ZFHX3: variants seen among roughly 807,000 people sequenced by gnomAD.
ZFHX3 encodes zinc finger homeobox 3.
In ZFHX3, 42 loss-of-function variants were observed where a neutral mutation model predicts 279.1. The ratio of observed to expected loss-of-function variants is 0.15; its 90% confidence interval spans 0.12 to 0.19. The LOEUF (loss-of-function observed/expected upper bound fraction) is 0.19, where lower values mean the gene tolerates loss of function less well. Ranked by LOEUF, ZFHX3 falls within the 10% of genes least tolerant of loss-of-function variation. The probability of loss-of-function intolerance (pLI) is 1.00; values close to 1 mark genes in which losing one functional copy is unlikely to be tolerated. For synonymous variants in ZFHX3, 2,293 were observed against 1,957.8 expected (o/e 1.17, Z -4.52); for missense variants, 4,981 against 4,754.0 (o/e 1.05, Z -1.40).
chr16:72,971,683 C>T (rs948051964), intron 1 of ZFHX3, among the ~76,000 whole-genome samples: 1 of 152,044 alleles, frequency 6.6e-6, no homozygotes, highest in African/African-American at 2.4e-5. Flanking sequence ...CTTTCCACTC[C>T]TGCTTGCACT....
chr16:73,869,906 A>C (rs1033473858), intron 1 of ZFHX3, among the ~76,000 whole-genome samples: 1 of 152,240 alleles, frequency 6.6e-6, no homozygotes, highest in African/African-American at 2.4e-5. Context: ...GCCCCAGGAC[A>C]GTGCCTGGAA....
At chr16:73,623,100 T>C (rs940610193) in intron 2 of ZFHX3, among the ~76,000 whole-genome samples, 3 of 151,786 alleles carry the variant, frequency 2.0e-5, no homozygotes, top group Non-Finnish European at 4.4e-5. Flanking sequence ...GCAGTGGCGC[T>C]ATCTCGGCTC....
intron 3 of ZFHX3, chr16:73,400,524 C>T (rs1441538291): frequency 2.0e-5 from 3 of 152,178 alleles, no homozygotes; most frequent in Admixed American, 1.3e-4. Flanking sequence ...AGAAGCATCC[C>T]GGGCTACATT....
chr16:73,728,979 C>G (rs1464201882), intron 1 of ZFHX3, among the ~76,000 whole-genome samples: 1 of 152,120 alleles, frequency 6.6e-6, no homozygotes, highest in African/African-American at 2.4e-5. Context: ...CCTTCCTCCT[C>G]TCCTCAGCTG....
At chr16:73,583,144 A>C (rs1434562090) in intron 2 of ZFHX3, among the ~76,000 whole-genome samples, 1 of 152,198 alleles carries the variant, frequency 6.6e-6, no homozygotes, top group Admixed American at 6.5e-5. Context: ...CTCAACCTGC[A>C]CTGACAATAT....
Position 72,787,057 on chromosome 16 carries a change from G to C in ZFHX3, c.*107C>G, listed in dbSNP as rs879072222. 7 of 515,514 alleles carry C rather than the reference G, an allele frequency of 1.4e-5. No individual in the cohort carries two copies. Among genetic ancestry groups the C allele is most frequent in the Middle Eastern group, 7.2e-4 (1 of 1,384 alleles). The allele number at this position is 515,514 out of a possible 1,614,324, so 31.9% of individuals were successfully genotyped here. A position where few individuals can be genotyped will look rare whatever the true frequency, so the allele number is the denominator to read the frequency against. On this transcript the variant is annotated 3_prime_UTR_variant, in exon 10 of 10. Coordinates refer to ENST00000268489, the MANE Select transcript of ZFHX3 (RefSeq NM_006885.4). ...TTTTTTTCTTTTTTTTTTTTTTTTT[G>C]TTTTTTGGTTAGAAGCTTTGGAATT...
intron 2 of ZFHX3, among the ~76,000 whole-genome samples, chr16:73,611,335 C>T (rs895234253): frequency 7.9e-5 from 12 of 152,098 alleles, no homozygotes; most frequent in African/African-American, 2.7e-4. Flanking sequence ...TCCCCTAAAA[C>T]AGATGTGAAT....
At chr16:73,223,280 G>C (rs1465745716) in intron 5 of ZFHX3, among the ~76,000 whole-genome samples, 1 of 152,108 alleles carries the variant, frequency 6.6e-6, no homozygotes, top group East Asian at 1.9e-4. Flanking sequence ...AGAATTAACA[G>C]ACAAGCCACA....
chr16:73,028,833 A>G (rs1421990702), intron 1 of ZFHX3, among the ~76,000 whole-genome samples: 1 of 152,236 alleles, frequency 6.6e-6, no homozygotes, highest in African/African-American at 2.4e-5. Flanking sequence ...TTGCTACAAT[A>G]AAGTTCCTCT....
At chr16:73,128,942 T>A (rs966243055) in intron 7 of ZFHX3, among the ~76,000 whole-genome samples, 13 of 152,160 alleles carry the variant, frequency 8.5e-5, no homozygotes, top group African/African-American at 3.1e-4. Context: ...TTTTATCAAT[T>A]GAACCCCAAA....
chr16:73,881,291 C>G (rs920638740), intron 1 of ZFHX3, among the ~76,000 whole-genome samples: 10 of 152,118 alleles, frequency 6.6e-5, no homozygotes, highest in African/African-American at 2.4e-4. Flanking sequence ...GGAAAGAATT[C>G]GGTCTGTCAC....
At chr16:73,711,681 G>C (rs1046947166) in intron 1 of ZFHX3, among the ~76,000 whole-genome samples, 1 of 152,200 alleles carries the variant, frequency 6.6e-6, no homozygotes, top group Admixed American at 6.5e-5. Flanking sequence ...GACACAGAGA[G>C]AGGAGAAAAA....
chr16:73,115,907 T>C (rs1322047535), intron 7 of ZFHX3, among the ~76,000 whole-genome samples: 1 of 151,878 alleles, frequency 6.6e-6, no homozygotes, highest in Non-Finnish European at 1.5e-5. Context: ...TCATCTGAGG[T>C]GAGGAGTTGC....
intron 5 of ZFHX3, among the ~76,000 whole-genome samples, chr16:73,228,235 G>C (rs2012665234): frequency 6.6e-6 from 1 of 152,048 alleles, no homozygotes; most frequent in Admixed American, 6.5e-5. Flanking sequence ...TTACCTACAA[G>C]GGCCCCTTCC....
intron 3 of ZFHX3, among the ~76,000 whole-genome samples, chr16:73,336,726 A>T (rs374042166): frequency 6.6e-6 from 1 of 152,134 alleles, no homozygotes; most frequent in Non-Finnish European, 1.5e-5. Context: ...GGGTACAATC[A>T]TTGAAGCCTC....
intron 3 of ZFHX3, among the ~76,000 whole-genome samples, chr16:73,412,644 G>A (rs577497855): frequency 1.3e-5 from 2 of 152,274 alleles, no homozygotes; most frequent in African/African-American, 4.8e-5. Flanking sequence ...GAACCCCTGG[G>A]GCTGCTATTA....
chr16:73,540,487 C>G (rs138643760), intron 2 of ZFHX3, among the ~76,000 whole-genome samples: 1 of 152,278 alleles, frequency 6.6e-6, no homozygotes, highest in African/African-American at 2.4e-5. Flanking sequence ...TAGTCTATGC[C>G]TCCATTGTCC....
intron 7 of ZFHX3, among the ~76,000 whole-genome samples, chr16:73,120,096 A>G (rs1966478109): frequency 6.6e-6 from 1 of 152,056 alleles, no homozygotes; most frequent in Non-Finnish European, 1.5e-5. Context: ...TGAAATACAC[A>G]GTTGATGTTT....
intron 2 of ZFHX3, among the ~76,000 whole-genome samples, chr16:73,662,139 G>A (rs1228874857): frequency 6.6e-6 from 1 of 152,042 alleles, no homozygotes; most frequent in Non-Finnish European, 1.5e-5. Context: ...ATGTGAAAGA[G>A]AGTTATGTTA....
Sources: allele counts gnomAD v4.1 joint callset (sites outside exome capture counted in the v4.1 genomes callset), GRCh38; gene constraint gnomAD v4.1.1; transcripts MANE v1.5; gene names NCBI Gene and HGNC (gene_info 2026-07-23, HGNC 2026-07-21).